WDPCP: variants seen among roughly 807,000 people sequenced by gnomAD.
WDPCP encodes the protein WD repeat-containing and planar cell polarity effector protein fritz homolog.
WDPCP carries 71 observed loss-of-function variants against 93.1 expected under a neutral mutation model. The ratio of observed to expected loss-of-function variants is 0.76; its 90% CI spans 0.63 to 0.93. The LOEUF (loss-of-function observed/expected upper bound fraction) is 0.93, where lower values mean the gene tolerates loss of function less well. Among genes scored for constraint, WDPCP ranks in the 40% least tolerant of loss-of-function variants. The probability of loss-of-function intolerance (pLI) is 0.00; values close to 1 mark genes in which losing one functional copy is unlikely to be tolerated. For synonymous variants in WDPCP, 315 were observed against 315.0 expected (o/e 1.00, Z 0.00); for missense variants, 844 against 887.4 (o/e 0.95, Z 0.62).
rs536935130 is a variant in WDPCP at position 63,633,882 on chromosome 2, TA to T, written n.488+16776del. Among the ~76,000 whole-genome samples, 1,092 of 152,160 alleles carry T rather than the reference TA, an allele frequency of 7.2e-3. 16 individuals carry two copies. The highest frequency in any genetic ancestry group is 0.025 in the African/African-American group (1,036 of 41,510). On this transcript the variant is annotated intron_variant and non_coding_transcript_variant, in intron 3 of 4. Coordinates refer to the WDPCP transcript ENST00000467687. ...TTCCAGATCAGCCTGGCCAACATGGTAAAACCCTGTCTCTACTAAAAACACA... is the reference window on the plus strand; with the variant it reads ...TTCCAGATCAGCCTGGCCAACATGGTAAACCCTGTCTCTACTAAAAACACA...
intron 3 of WDPCP, among the ~76,000 whole-genome samples, chr2:63,630,721 G>A (rs542323500): frequency 6.6e-6 from 1 of 152,304 alleles, no homozygotes; most frequent in African/African-American, 2.4e-5. Flanking sequence ...CAATGAGACA[G>A]AAAGATCTGT....
At chr2:63,123,726 T>A (rs1669699963) in intron 17 of WDPCP, among the ~76,000 whole-genome samples, 1 of 151,980 alleles carries the variant, frequency 6.6e-6, no homozygotes, top group Non-Finnish European at 1.5e-5. Flanking sequence ...ACATAATCAT[T>A]AAATAAAATT....
At position 63,725,211 on chromosome 2, in the gene WDPCP, C is replaced by A. The variant is rs889204918; in HGVS notation, n.309-74373G>T. Among the ~76,000 whole-genome samples, 8 of 152,168 alleles carry A rather than the reference C, an allele frequency of 5.3e-5. No individual in the cohort carries two copies. The South Asian group carries it at 1.0e-3, about 20-fold the overall frequency. ...GTTCAGCCTCCTCCCACCCTTCCAC[C>A]CTCCAGCAGGCTCCCATGTCTATTG... On this transcript the variant is annotated intron_variant and non_coding_transcript_variant, in intron 2 of 4. Coordinates refer to the WDPCP transcript ENST00000467687.
At chr2:63,838,891 C>T in the WDPCP span, among the ~76,000 whole-genome samples, 24 of 152,088 alleles carry the variant, frequency 1.6e-4, no homozygotes, top group African/African-American at 5.6e-4. Context: ...GTGGGAAGCT[C>T]GCTTACAAAG....
At chr2:63,190,632 A>G (rs960703962) in intron 14 of WDPCP, among the ~76,000 whole-genome samples, 2 of 152,140 alleles carry the variant, frequency 1.3e-5, no homozygotes, top group Non-Finnish European at 2.9e-5. Context: ...AATTTATATT[A>G]ACTATTTTAA....
intron 2 of WDPCP, among the ~76,000 whole-genome samples, chr2:63,679,664 T>C (rs1710465012): frequency 6.6e-6 from 1 of 152,166 alleles, no homozygotes; most frequent in African/African-American, 2.4e-5. Context: ...CCAGCATTTC[T>C]TTGCAGCTTC....
At chr2:63,622,813 C>T (rs1322074776) in intron 3 of WDPCP, 1 of 1,611,216 alleles carries the variant, frequency 6.2e-7, no homozygotes, top group Admixed American at 1.7e-5. Flanking sequence ...ACGCTCTGGC[C>T]CAGGAAATAC....
intron 12 of WDPCP, among the ~76,000 whole-genome samples, chr2:63,322,236 C>T (rs989868019): frequency 1.3e-5 from 2 of 152,196 alleles, no homozygotes; most frequent in African/African-American, 2.4e-5. Context: ...ATGGACCAAT[C>T]AGCTCTCTGT....
intron 1 of WDPCP, among the ~76,000 whole-genome samples, chr2:63,531,132 G>T (rs1350915328): frequency 6.6e-6 from 1 of 152,224 alleles, no homozygotes; most frequent in Admixed American, 6.5e-5. Flanking sequence ...CAGCAACGAG[G>T]CTGGGGGAGG....
intron 3 of WDPCP, among the ~76,000 whole-genome samples, chr2:63,631,205 C>T (rs999111865): frequency 1.6e-4 from 24 of 151,868 alleles, no homozygotes; most frequent in Middle Eastern, 3.2e-3. Context: ...CACTTGAATC[C>T]GAGAGGCAGA....
chr2:63,342,571 A>G (rs917919012), intron 12 of WDPCP, among the ~76,000 whole-genome samples: 6 of 152,182 alleles, frequency 3.9e-5, no homozygotes, highest in Non-Finnish European at 7.3e-5. Flanking sequence ...TAATTAATGT[A>G]CTAAATTTAT....
intron 2 of WDPCP, among the ~76,000 whole-genome samples, chr2:63,778,447 T>A (rs1670338171): frequency 6.6e-6 from 1 of 152,010 alleles, no homozygotes; most frequent in Non-Finnish European, 1.5e-5. Flanking sequence ...GACCTCATGA[T>A]CCACCCACCT....
chr2:63,195,930 T>C (rs1212475813), intron 14 of WDPCP, among the ~76,000 whole-genome samples: 1 of 152,216 alleles, frequency 6.6e-6, no homozygotes, highest in Admixed American at 6.5e-5. Context: ...GTAGTACACA[T>C]AATGTACTAC....
intron 10 of WDPCP, among the ~76,000 whole-genome samples, chr2:63,402,016 A>G (rs894405467): frequency 6.6e-6 from 1 of 152,128 alleles, no homozygotes; most frequent in African/African-American, 2.4e-5. Context: ...ATAAAGACAC[A>G]TGCATGTTTA....
chr2:63,436,478 A>G (rs917985474), intron 8 of WDPCP, among the ~76,000 whole-genome samples: 5 of 152,116 alleles, frequency 3.3e-5, no homozygotes, highest in African/African-American at 1.2e-4. Flanking sequence ...ATAATCCCAA[A>G]GGGCAAAAGG....
At chr2:63,471,331 G>A (rs552583736) in intron 6 of WDPCP, among the ~76,000 whole-genome samples, 38 of 152,212 alleles carry the variant, frequency 2.5e-4, no homozygotes, top group Non-Finnish European at 4.1e-4. Flanking sequence ...AAAAGAAGGC[G>A]AAGAGCAGAA....
chr2:63,164,574 C>G (rs563298006), intron 15 of WDPCP, among the ~76,000 whole-genome samples: 26 of 152,274 alleles, frequency 1.7e-4, no homozygotes, highest in Admixed American at 6.5e-4. Context: ...TCCCCAGAAA[C>G]TGAGCAGATG....
chr2:63,815,347 A>AAAAAAGGAATCATTCATT (rs2104104002), intron 1 of WDPCP, among the ~76,000 whole-genome samples: 1 of 152,352 alleles, frequency 6.6e-6, no homozygotes, highest in South Asian at 2.1e-4. Flanking sequence ...TAGTGGATTA[A>AAAAAAGGAATCATTCATT]AAAAAGGAAT....
intron 13 of WDPCP, among the ~76,000 whole-genome samples, chr2:63,296,793 G>T (rs1195973045): frequency 6.8e-6 from 1 of 146,296 alleles, no homozygotes; most frequent in Admixed American, 6.8e-5. Flanking sequence ...AATCACAGAT[G>T]ATACAAAAAA....
Sources: gnomAD v4.1 joint callset for allele counts (sites outside exome capture counted in the v4.1 genomes callset) on GRCh38, gnomAD v4.1.1 for gene constraint, MANE v1.5 for transcripts, NCBI Gene and HGNC (gene_info 2026-07-23, HGNC 2026-07-21) for gene names.